The following FRMD4B variants were observed in gnomAD, a reference collection of about 807,000 sequenced individuals.
FRMD4B encodes the protein FERM domain containing 4B.
FRMD4B carries 74 observed loss-of-function variants against 141.5 expected under a neutral mutation model. The ratio of observed to expected loss-of-function variants is 0.52; its 90% CI spans 0.43 to 0.63. FRMD4B has a LOEUF of 0.63. Among genes scored for constraint, FRMD4B ranks in the 30% least tolerant of loss-of-function variants. FRMD4B has a pLI of 0.00. For synonymous variants in FRMD4B, 506 were observed against 467.9 expected (o/e 1.08, Z -1.05); for missense variants, 1,366 against 1,253.4 (o/e 1.09, Z -1.36).
chr3:69,404,666 T>C (rs1235614233), intron 2 of FRMD4B, among the ~76,000 whole-genome samples: 2 of 152,172 alleles, frequency 1.3e-5, no homozygotes, highest in African/African-American at 4.8e-5. Context: ...AGTTTCGTGC[T>C]TGGTACTGGG....
chr3:69,353,763 C>CTGTT lies in FRMD4B; in HGVS notation c.162+32061_162+32064dup, dbSNP rs1237190079. The CTGTT allele has an allele frequency of 5.3e-6, 5 of 948,616 alleles. No homozygotes were observed. In the African/African-American group the frequency reaches 8.9e-5, roughly 17 times the overall value. 58.8% of individuals were successfully genotyped at this position (948,616 alleles called of 1,614,324 possible). ...ATATAATCTCAAGGAAATGACCATA[C>CTGTT]TGTTTGTTTCTTTGATTAGAAACAA... On this transcript the variant is annotated intron_variant, in intron 1 of 22. Coordinates refer to ENST00000398540, the MANE Select transcript of FRMD4B (RefSeq NM_015123.3).
At chr3:69,472,217 T>G (rs1218496707) in intron 1 of FRMD4B, 2 of 301,566 alleles carry the variant, frequency 6.6e-6, no homozygotes, top group Non-Finnish European at 1.4e-5. Flanking sequence ...CTGAAGATCT[T>G]GTGACTAAAA....
At chr3:69,205,077 A>AAAAAAAAAAAAAAAAAG (rs1216411200) in intron 11 of FRMD4B, among the ~76,000 whole-genome samples, 7 of 150,612 alleles carry the variant, frequency 4.6e-5, no homozygotes, top group African/African-American at 1.7e-4. Context: ...AAAAAAAAGA[A>AAAAAAAAAAAAAAAAAG]AAAGAGAAAA....
intron 1 of FRMD4B, among the ~76,000 whole-genome samples, chr3:69,530,439 C>T (rs1302099872): frequency 6.6e-6 from 1 of 152,200 alleles, no homozygotes; most frequent in Non-Finnish European, 1.5e-5. Flanking sequence ...CATGTAATCT[C>T]TGCACACACC....
intron 11 of FRMD4B, among the ~76,000 whole-genome samples, chr3:69,208,969 C>T (rs1030940971): frequency 6.6e-6 from 1 of 152,076 alleles, no homozygotes; most frequent in African/African-American, 2.4e-5. Context: ...CGTGGTGAAA[C>T]CCCATCTCTA....
chr3:69,495,751 A>G (rs2107040634), intron 1 of FRMD4B, among the ~76,000 whole-genome samples: 1 of 152,238 alleles, frequency 6.6e-6, no homozygotes, highest in East Asian at 1.9e-4. Context: ...CAGTAACACA[A>G]GAAGAAAGAG....
chr3:69,318,696 G>C (rs958402250), intron 1 of FRMD4B, among the ~76,000 whole-genome samples: 1 of 152,236 alleles, frequency 6.6e-6, no homozygotes, highest in East Asian at 1.9e-4. Flanking sequence ...AGGTGGAAAA[G>C]TGATGGATGT....
intron 7 of FRMD4B, among the ~76,000 whole-genome samples, chr3:69,230,910 G>A (rs1048770142): frequency 1.1e-4 from 16 of 152,178 alleles, no homozygotes; most frequent in African/African-American, 2.9e-4. Flanking sequence ...CACACATATT[G>A]AGCAAAGATA....
intron 5 of FRMD4B, among the ~76,000 whole-genome samples, chr3:69,263,179 C>G (rs1384367417): frequency 1.3e-5 from 2 of 152,096 alleles, no homozygotes; most frequent in African/African-American, 2.4e-5. Flanking sequence ...ACTGCTTGAA[C>G]CCGGGAGGTG....
intron 1 of FRMD4B, among the ~76,000 whole-genome samples, chr3:69,495,567 G>A (rs918392644): frequency 4.6e-5 from 7 of 152,176 alleles, no homozygotes; most frequent in African/African-American, 1.7e-4. Context: ...ACAAGAGCAC[G>A]AATTTGGGTC....
rs116857440 is a variant in FRMD4B, at chr3:69,213,810, T to A, written c.876+2453A>T. Among the ~76,000 whole-genome samples, 616 of 152,054 alleles carry A rather than the reference T, an allele frequency of 4.1e-3. 15 individuals carry two copies. The East Asian group carries it at 0.074, about 18-fold the overall frequency. ...CCTGTATAACTGGGACTACAGGCAT[T>A]TGCCACCATGCCTGGCTAATTTGTT... On this transcript the variant is annotated intron_variant, in intron 11 of 22. Transcript: ENST00000398540.
chr3:69,483,160 G>A (rs1186756416), intron 1 of FRMD4B, among the ~76,000 whole-genome samples: 1 of 152,186 alleles, frequency 6.6e-6, no homozygotes, highest in African/African-American at 2.4e-5. Flanking sequence ...TGTTCCAAAA[G>A]TACTCTTAGT....
intron 1 of FRMD4B, among the ~76,000 whole-genome samples, chr3:69,506,811 T>A (rs949103971): frequency 7.1e-6 from 1 of 140,590 alleles, no homozygotes; most frequent in Non-Finnish European, 1.6e-5. Context: ...CCTAATCTGC[T>A]GAGATTACGG....
intron 1 of FRMD4B, among the ~76,000 whole-genome samples, chr3:69,319,001 G>T (rs1032858893): frequency 2.6e-4 from 40 of 152,266 alleles, no homozygotes; most frequent in Admixed American, 7.9e-4. Flanking sequence ...TGATTGAAGT[G>T]GTGCCAGCGA....
chr3:69,429,584 T>C (rs907448385), intron 2 of FRMD4B, among the ~76,000 whole-genome samples: 5 of 152,112 alleles, frequency 3.3e-5, no homozygotes, highest in African/African-American at 1.2e-4. Context: ...ATAACATATG[T>C]ATCCCTAAAA....
rs565663900 is a variant in FRMD4B at position 69,171,707 on chromosome 3, G to A, written c.*154C>T. ...AGGGGCTTTGTGGGGCTTGGTGTGT[G>A]ATTCACTGATTCACTTCCAGGGCAA... is the stretch of plus-strand genomic sequence containing the variant. On this transcript the variant is annotated 3_prime_UTR_variant, in exon 23 of 23. Transcript: ENST00000398540. 2.8e-6 allele frequency: 2 copies of A among 706,030 alleles called. No homozygotes were observed. Among genetic ancestry groups the A allele is most frequent in the Admixed American group, 4.9e-5 (2 of 40,668 alleles). 43.7% of individuals were successfully genotyped at this position (706,030 alleles called of 1,614,324 possible).
At chr3:69,230,062 T>G (rs552519734) in intron 7 of FRMD4B, among the ~76,000 whole-genome samples, 3 of 152,006 alleles carry the variant, frequency 2.0e-5, no homozygotes, top group Non-Finnish European at 2.9e-5. Context: ...CTGCAACCTC[T>G]GCCTCCCAGG....
At chr3:69,308,175 T>C (rs1343158745) in intron 3 of FRMD4B, among the ~76,000 whole-genome samples, 1 of 152,208 alleles carries the variant, frequency 6.6e-6, no homozygotes, top group Non-Finnish European at 1.5e-5. Context: ...GGGCCGGTGC[T>C]ATATGCTCTG....
At chr3:69,484,764 T>C (rs371927352) in intron 1 of FRMD4B, among the ~76,000 whole-genome samples, 6 of 152,132 alleles carry the variant, frequency 3.9e-5, no homozygotes, top group African/African-American at 1.4e-4. Context: ...GCTGGTCCTC[T>C]CATCATCTCT....
Sources: gnomAD v4.1 joint callset for allele counts (sites outside exome capture counted in the v4.1 genomes callset) on GRCh38, gnomAD v4.1.1 for gene constraint, MANE v1.5 for transcripts, NCBI Gene and HGNC (gene_info 2026-07-23, HGNC 2026-07-21) for gene names.